Variants in HECTD4 observed in about 807,000 individuals in gnomAD.
HECTD4 encodes the protein HECT domain E3 ubiquitin protein ligase 4, also known as probable E3 ubiquitin-protein ligase HECTD4.
In HECTD4, 114 loss-of-function variants were observed where a neutral mutation model predicts 471.5. The ratio of observed to expected loss-of-function variants is 0.24; its 90% CI spans 0.21 to 0.28. The LOEUF (loss-of-function observed/expected upper bound fraction) is 0.28. Among genes scored for constraint, HECTD4 ranks in the 10% least tolerant of loss-of-function variants. HECTD4 has a pLI of 1.00. For synonymous variants in HECTD4, 2,012 were observed against 2,256.0 expected, an observed-to-expected ratio of 0.89 and a Z score of 3.07; for missense variants, 3,866 against 5,651.5, an observed-to-expected ratio of 0.68 and a Z score of 10.13.
At chr12:112,203,872 A>AATAAC in intron 53 of HECTD4, 100 bp from the exon 54 acceptor site, 1 of 565,594 alleles carries the variant, frequency 1.8e-6, no homozygotes, top group Non-Finnish European at 2.9e-6. Flanking sequence ...AACATAAAAT[A>AATAAC]ATAAAATAAA....
chr12:112,303,536 T>C (rs1230313081), intron 7 of HECTD4, among the ~76,000 whole-genome samples: 1 of 152,090 alleles, frequency 6.6e-6, no homozygotes, highest in African/African-American at 2.4e-5. Flanking sequence ...AGGAAATCAA[T>C]ATGCTAGGCG....
chr12:112,278,445 G>A (rs1475290884), intron 9 of HECTD4, among the ~76,000 whole-genome samples: 1 of 152,112 alleles, frequency 6.6e-6, no homozygotes, highest in Admixed American at 6.5e-5. Context: ...AAATTACACT[G>A]CTTTCATTAC....
intron 34 of HECTD4, among the ~76,000 whole-genome samples, chr12:112,238,276 G>A (rs934014447): frequency 2.0e-5 from 3 of 151,712 alleles, no homozygotes; most frequent in Middle Eastern, 3.2e-3. Context: ...GTAGTGGCAC[G>A]ATCACAGCTC....
At position 112,161,871 on chromosome 12, in the gene HECTD4, G is replaced by A. The variant is rs188884732; in HGVS notation, c.*516C>T. The A allele has an allele frequency of 1.2e-3, 185 of 152,762 alleles. No homozygotes were observed. The highest frequency in any genetic ancestry group is 0.01 in the Middle Eastern group (3 of 296). The allele number at this position is 152,762 out of a possible 1,614,324, so 9.5% of individuals were successfully genotyped here. ...CTCCCTGTGTGTCTCACGTGTTTGG[G>A]CAATTGGCCCAGCCACCTCTATGTG... On this transcript the variant is annotated 3_prime_UTR_variant, in exon 76 of 76. Transcript: ENST00000682272.
rs140264125 is a variant in HECTD4 at position 112,269,794 on chromosome 12, C to T, written c.2231G>A (p.Arg744Gln). Residue 744 changes from arginine to glutamine, a missense_variant, in exon 13 of 76, where the codon CGA (arginine) becomes CAA (glutamine). Arg to Gln is a conservative substitution (Grantham distance 43). Transcript: ENST00000682272. ...PQTERNRDII[R>Q]RSGLLLWQLL... is the part of the protein sequence containing the mutation. Reference sequence around the variant, plus strand: ...CTGCCAAAGAAGCAATCCCGACCGTCGAATGATGTCTCGATTCCTTTCAGT... The same window carrying T: ...CTGCCAAAGAAGCAATCCCGACCGTTGAATGATGTCTCGATTCCTTTCAGT... 1.8e-4 allele frequency: 294 copies of T among 1,613,864 alleles called. 1 individual carries two copies. The African/African-American group carries it at 2.9e-3, about 16-fold the overall frequency.
intron 1 of HECTD4, chr12:112,322,577 GA>G (rs2035608459): frequency 6.6e-6 from 1 of 152,496 alleles, no homozygotes; most frequent in Non-Finnish European, 1.5e-5. Flanking sequence ...AGAATGCAGA[GA>G]AATAAACTGG....
chr12:112,274,901 G>T lies in HECTD4; in HGVS notation c.1747C>A (p.Leu583Ile), dbSNP rs2034495103. 2 of 1,550,434 alleles carry T rather than the reference G, an allele frequency of 1.3e-6. No homozygotes were observed. Among genetic ancestry groups the T allele is most frequent in the East Asian group, 4.9e-5 (2 of 40,926 alleles). Reference protein sequence around the residue: ...SDGQFTSRADLIDAAGSSLGR... With the variant: ...SDGQFTSRADIIDAAGSSLGR... ...AGTGAGCTTCCAGCAGCATCTATGA[G>T]ATCTGCACGACTTGTAAACTGACCA... Residue 583 changes from leucine (L) to isoleucine (I), a missense_variant, in exon 10 of 76, where the codon CTC becomes ATC. Around this residue, in one of 16 missense-constraint regions of HECTD4, gnomAD observed 525 missense variants for 672.6 expected, o/e 0.78. Transcript: ENST00000682272.
rs983585056 is a variant in HECTD4 at position 112,239,351 on chromosome 12, T to G, written c.5106-115A>C. 3.8e-5 allele frequency: 31 copies of G among 805,222 alleles called. No homozygotes were observed. Among genetic ancestry groups the G allele is most frequent in the Non-Finnish European group, 5.6e-5 (30 of 533,894 alleles). The allele number at this position is 805,222 out of a possible 1,614,324, so 49.9% of individuals were successfully genotyped here. A position where few individuals can be genotyped will look rare whatever the true frequency, so the allele number is the denominator to read the frequency against. On this transcript the variant is annotated intron_variant, in intron 33 of 75. Transcript: ENST00000682272. This position sits in a 1 kb window ranked among gnomAD's most constrained non-coding sequence, Gnocchi z 4.9. ...GCTGGTGCAGCTCTTTCCCTACAAC[T>G]TAGGATACTGCCATGTGCAATCAAA...
chr12:112,264,434 T>A (rs759478815), intron 16 of HECTD4, among the ~76,000 whole-genome samples: 15 of 152,252 alleles, frequency 9.9e-5, no homozygotes, highest in Non-Finnish European at 2.1e-4. Context: ...CCTCACTAAT[T>A]AGAATACTTA....
At chr12:112,353,433 T>A (rs1191031238) in intron 1 of HECTD4, among the ~76,000 whole-genome samples, 1 of 152,230 alleles carries the variant, frequency 6.6e-6, no homozygotes, top group Non-Finnish European at 1.5e-5. Flanking sequence ...TAGAAGAACA[T>A]ATATTACTAA....
chr12:112,268,968 G>A (rs1442816282), intron 13 of HECTD4, among the ~76,000 whole-genome samples: 1 of 129,054 alleles, frequency 7.7e-6, no homozygotes, highest in Non-Finnish European at 1.6e-5. Context: ...TCCGCCTCCC[G>A]GGTTCACGCC....
At position 112,297,741 on chromosome 12, in the gene HECTD4, G is replaced by A. The variant is rs374280521; in HGVS notation, c.1335+8323C>T. ...TCCAACTGGAGAAGTCTAATATTCT[G>A]TGCACATACAAGCAAACAGCCACAT... On this transcript the variant is annotated intron_variant, in intron 7 of 75. Coordinates refer to ENST00000682272, the MANE Select transcript of HECTD4 (RefSeq NM_001388303.1). Among the ~76,000 whole-genome samples, 43 of 152,234 alleles carry A rather than the reference G, an allele frequency of 2.8e-4. No individual in the cohort carries two copies. In the East Asian group the frequency reaches 3.1e-3, roughly 11 times the overall value.
intron 1 of HECTD4, among the ~76,000 whole-genome samples, chr12:112,332,223 T>C (rs2035856871): frequency 6.6e-6 from 1 of 152,076 alleles, no homozygotes; most frequent in African/African-American, 2.4e-5. Flanking sequence ...AATCCCTGGA[T>C]GTGCTCACTT....
intron 37 of HECTD4, among the ~76,000 whole-genome samples, chr12:112,233,916 T>C (rs1237670119): frequency 2.6e-5 from 4 of 152,312 alleles, no homozygotes; most frequent in African/African-American, 4.8e-5. Flanking sequence ...TTATTTACCC[T>C]CACCTTGACA....
chr12:112,292,223 A>C (rs7308489), intron 7 of HECTD4, among the ~76,000 whole-genome samples: 6,218 of 152,166 alleles, frequency 0.041, 280 homozygotes, highest in African/African-American at 0.11. Context: ...AGCCAACCTC[A>C]TGCCTATCTC....
At chr12:112,320,524 A>G (rs1566110696) in intron 1 of HECTD4, among the ~76,000 whole-genome samples, 1 of 151,376 alleles carries the variant, frequency 6.6e-6, no homozygotes, top group East Asian at 2.0e-4. Context: ...ATGGTGAAAC[A>G]CCATCTCTAC....
chr12:112,167,568 T>G, intron 71 of HECTD4, 30 bp from the exon 72 acceptor site: 1 of 1,511,940 alleles, frequency 6.6e-7, no homozygotes, highest in East Asian at 2.3e-5. Context: ...TGAGGTGACC[T>G]GGGCGTGGGC....
chr12:112,164,205 G>C lies in HECTD4; in HGVS notation c.12605C>G (p.Pro4202Arg). 1 of 1,613,772 alleles carries C rather than the reference G, an allele frequency of 6.2e-7. No homozygotes were observed. The change falls in exon 73 of 76, where the codon CCT (proline) becomes CGT (arginine). Residue 4202 changes from proline to arginine, a missense_variant. Physicochemically the swap from Pro to Arg is moderately radical, Grantham distance 103. Transcript: ENST00000682272. ...IASQHLATES[P>R]DSPNKPCCRF... Reference sequence around the variant, plus strand: ...GCAGCAGGGCTTGTTGGGGCTGTCAGGGCTCTCCGTGGCCAGGTGCTGGGA... The same window carrying C: ...GCAGCAGGGCTTGTTGGGGCTGTCACGGCTCTCCGTGGCCAGGTGCTGGGA...
chr12:112,168,020 G>T, intron 70 of HECTD4, 103 bp from the exon 71 acceptor site: 2 of 912,078 alleles, frequency 2.2e-6, no homozygotes, highest in Non-Finnish European at 3.6e-6. Flanking sequence ...TCCTTCCACG[G>T]CCTACCTGCC....
Sources: gnomAD v4.1 joint callset for allele counts (sites outside exome capture counted in the v4.1 genomes callset) on GRCh38, gnomAD v4.1.1 for gene constraint, gnomAD v4.1.1 regional missense constraint, Gnocchi (gnomAD v3.1) non-coding constraint, MANE v1.5 for transcripts, NCBI Gene and HGNC (gene_info 2026-07-23, HGNC 2026-07-21) for gene names.